STXBP3: variants seen among roughly 807,000 people sequenced by gnomAD.
STXBP3 encodes syntaxin binding protein 3.
A neutral mutation model predicts 85.7 loss-of-function variants in STXBP3; 41 were observed. The observed-to-expected ratio is 0.48, with a 90% CI of 0.37 to 0.62. The LOEUF (loss-of-function observed/expected upper bound fraction) is 0.62, where lower values mean the gene tolerates loss of function less well. Among genes scored for constraint, STXBP3 ranks in the 20% least tolerant of loss-of-function variants. STXBP3 has a pLI of 0.00. For missense variants in STXBP3, 563 were observed against 703.1 expected (o/e 0.80, Z 2.25); for synonymous variants, 229 against 231.7 (o/e 0.99, Z 0.10).
chr1:108,781,182 C>G (rs1570763706), intron 9 of STXBP3: 3 of 152,124 alleles, frequency 2.0e-5, no homozygotes, highest in South Asian at 2.1e-4. Context: ...CTTAGTGCAG[C>G]CTTATATAAT....
intron 17 of STXBP3, among the ~76,000 whole-genome samples, chr1:108,803,982 T>C (rs909817673): frequency 1.1e-4 from 17 of 152,208 alleles, no homozygotes; most frequent in Non-Finnish European, 1.9e-4. Context: ...TGTAAATAAT[T>C]AACCTTTTTT....
intron 6 of STXBP3, among the ~76,000 whole-genome samples, chr1:108,772,112 A>G (rs867231840): frequency 1.9e-3 from 198 of 103,730 alleles, no homozygotes; most frequent in African/African-American, 7.6e-3. Context: ...ATATCTATCT[A>G]TATATCATAT....
intron 17 of STXBP3, among the ~76,000 whole-genome samples, chr1:108,801,146 A>G (rs750421731): frequency 9.9e-5 from 15 of 151,786 alleles, no homozygotes; most frequent in Non-Finnish European, 1.9e-4. Context: ...TTAAATTTCC[A>G]TTTCTGACTG....
chr1:108,759,312 T>C (rs1276970944), intron 5 of STXBP3: 1 of 152,214 alleles, frequency 6.6e-6, no homozygotes, highest in Non-Finnish European at 1.5e-5. Flanking sequence ...GTATTTGTAA[T>C]GTAACCTTAT....
intron 6 of STXBP3, among the ~76,000 whole-genome samples, chr1:108,761,070 AT>A (rs34604965): frequency 0.23 from 34,390 of 151,632 alleles, 4,173 homozygotes; most frequent in Non-Finnish European, 0.26. Flanking sequence ...CACCTGGCTA[AT>A]TTTTTTGTAT....
chr1:108,796,243 C>T lies in STXBP3; in HGVS notation c.1120C>T (p.Leu374Phe). 2 of 1,610,290 alleles carry T rather than the reference C, an allele frequency of 1.2e-6. No individual in the cohort carries two copies. The highest frequency in any genetic ancestry group is 2.2e-5 in the South Asian group (2 of 89,950). ...KLCKTEQDLALGTDAEGQKVK... is the reference protein window; with the variant it reads ...KLCKTEQDLAFGTDAEGQKVK... ...TTTTATTTTCATTAAGGACCTGGCACTTGGAACTGATGCAGAAGGACAGAA... is the reference window on the plus strand; with the variant it reads ...TTTTATTTTCATTAAGGACCTGGCATTTGGAACTGATGCAGAAGGACAGAA... Residue 374 changes from leucine (L) to phenylalanine (F), a missense_variant, in exon 14 of 19, where the codon CTT becomes TTT. By Grantham distance (22) the Leu-to-Phe change is conservative. Coordinates refer to ENST00000370008, the MANE Select transcript of STXBP3 (RefSeq NM_007269.4).
chr1:108,786,501 C>T (rs75055869), intron 11 of STXBP3, among the ~76,000 whole-genome samples: 10,293 of 152,214 alleles, frequency 0.068, 381 homozygotes, highest in Admixed American at 0.084. Flanking sequence ...CATTTTATTT[C>T]GATATACATA....
intron 16 of STXBP3, among the ~76,000 whole-genome samples, chr1:108,798,550 G>A (rs1336399003): frequency 6.6e-6 from 1 of 151,544 alleles, no homozygotes; most frequent in African/African-American, 2.4e-5. Context: ...CGAGTAGCTG[G>A]GACTACAGGC....
At chr1:108,808,656 T>C in intron 18 of STXBP3, 127 bp from the exon 19 acceptor site, 1 of 734,408 alleles carries the variant, frequency 1.4e-6, no homozygotes, top group Non-Finnish European at 2.4e-6. Context: ...GAAGATGTCT[T>C]ACAGAAATTT....
intron 2 of STXBP3, 53 bp from the exon 3 acceptor site, chr1:108,753,010 C>T (rs1467768671): frequency 7.2e-7 from 1 of 1,397,774 alleles, no homozygotes; most frequent in Non-Finnish European, 9.6e-7. Flanking sequence ...TTCTTTTTTT[C>T]ATTCTTGGTA....
At chr1:108,766,276 G>A (rs140997228) in intron 6 of STXBP3, among the ~76,000 whole-genome samples, 2 of 151,634 alleles carry the variant, frequency 1.3e-5, no homozygotes, top group East Asian at 3.9e-4. Context: ...ATATAAAAAT[G>A]TATATATCTA....
Position 108,746,780 on chromosome 1 carries a change from T to C in STXBP3, c.43T>C (p.Trp15Arg), listed in dbSNP as rs982190166. ...VAERGLKSVV[W>R]QKIKATVFDD... ...AGAGAGGGGGCTAAAGAGCGTCGTG[T>C]GGCAGAGTGAGTGCGGTGGGGTAGG... The change falls in exon 1 of 19, where the codon TGG (tryptophan) becomes CGG (arginine). Residue 15 changes from tryptophan (W) to arginine (R), a missense_variant. Around this residue, in one of 3 missense-constraint regions of STXBP3, gnomAD observed 37 missense variants for 39.7 expected, o/e 0.93. Transcript: ENST00000370008. The C allele has an allele frequency of 6.5e-7, 1 of 1,550,000 alleles. No individual in the cohort carries two copies. The highest frequency in any genetic ancestry group is 2.0e-5 in the Admixed American group (1 of 50,944).
intron 17 of STXBP3, among the ~76,000 whole-genome samples, chr1:108,802,751 T>C (rs1042451851): frequency 2.0e-5 from 3 of 152,364 alleles, no homozygotes; most frequent in South Asian, 4.1e-4. Flanking sequence ...AATATACTTG[T>C]TTTCTTAGAG....
At chr1:108,798,622 G>C (rs1255730780) in intron 16 of STXBP3, among the ~76,000 whole-genome samples, 1 of 151,734 alleles carries the variant, frequency 6.6e-6, no homozygotes, top group Non-Finnish European at 1.5e-5. Context: ...CACTATGTTG[G>C]CCAGGCTGGT....
intron 11 of STXBP3, among the ~76,000 whole-genome samples, chr1:108,788,787 C>T (rs1662912146): frequency 6.6e-6 from 1 of 152,186 alleles, no homozygotes; most frequent in East Asian, 1.9e-4. Context: ...GCAGTCCGGG[C>T]ACGGTGGCTC....
intron 18 of STXBP3, 25 bp downstream of exon 18, chr1:108,807,574 C>CTTTTT: frequency 7.0e-7 from 1 of 1,418,720 alleles, no homozygotes; most frequent in Non-Finnish European, 9.4e-7. Flanking sequence ...TTCTTCTTTT[C>CTTTTT]TGTTTTTTTT....
At chr1:108,802,766 A>G (rs1663259361) in intron 17 of STXBP3, among the ~76,000 whole-genome samples, 1 of 152,116 alleles carries the variant, frequency 6.6e-6, no homozygotes, top group Non-Finnish European at 1.5e-5. Flanking sequence ...TTAGAGGGGA[A>G]TCTCCTGACC....
intron 6 of STXBP3, among the ~76,000 whole-genome samples, chr1:108,764,274 C>A (rs1175491832): frequency 6.6e-6 from 1 of 151,958 alleles, no homozygotes; most frequent in African/African-American, 2.4e-5. Context: ...AGAGAGATAC[C>A]ACATTTTTTT....
At chr1:108,748,300 G>A (rs538422786) in intron 1 of STXBP3, among the ~76,000 whole-genome samples, 6 of 152,088 alleles carry the variant, frequency 3.9e-5, no homozygotes, top group East Asian at 3.9e-4. Context: ...TTGGGAGGCC[G>A]GGGCAAGATG....
Sources: gnomAD v4.1 joint callset for allele counts (sites outside exome capture counted in the v4.1 genomes callset) on GRCh38, gnomAD v4.1.1 for gene constraint, gnomAD v4.1.1 regional missense constraint, MANE v1.5 for transcripts, NCBI Gene and HGNC (gene_info 2026-07-23, HGNC 2026-07-21) for gene names.